The following CAMTA1 variants were observed in gnomAD, a reference collection of about 807,000 sequenced individuals.
CAMTA1 encodes calmodulin-binding transcription activator 1.
Under a neutral mutation model 170.9 loss-of-function variants are expected in CAMTA1, and 27 were observed. That is an observed-to-expected ratio of 0.16 (90% CI 0.12 to 0.22). The LOEUF (loss-of-function observed/expected upper bound fraction) is 0.22. Ranked by LOEUF, CAMTA1 falls within the 10% of genes least tolerant of loss-of-function variation. The pLI is 1.00. For synonymous variants in CAMTA1, 833 were observed against 891.5 expected (o/e 0.93, Z 1.17); for missense variants, 1,619 against 2,217.2 (o/e 0.73, Z 5.42).
At chr1:7,107,634 G>A (rs1035248954) in intron 4 of CAMTA1, among the ~76,000 whole-genome samples, 1 of 152,192 alleles carries the variant, frequency 6.6e-6, no homozygotes, top group Non-Finnish European at 1.5e-5. Context: ...GGGTGCTGCT[G>A]GGATGCCTTT....
intron 4 of CAMTA1, among the ~76,000 whole-genome samples, chr1:7,176,163 A>T (rs1049520289): frequency 2.0e-5 from 3 of 152,206 alleles, no homozygotes; most frequent in Non-Finnish European, 4.4e-5. Context: ...ATCCTTTTGC[A>T]ATGTGATGAG....
intron 5 of CAMTA1, among the ~76,000 whole-genome samples, chr1:7,290,869 C>A (rs1673030294): frequency 6.6e-6 from 1 of 152,074 alleles, no homozygotes; most frequent in Non-Finnish European, 1.5e-5. Flanking sequence ...TTCCTTTTAA[C>A]TTTACTGTCC....
In CAMTA1 at chr1:7,286,783, A is replaced by G. The variant is rs193268786; in HGVS notation, c.438+37157A>G. Among the ~76,000 whole-genome samples the G allele has an allele frequency of 9.9e-5, 15 of 152,202 alleles. No homozygotes were observed. The highest frequency in any genetic ancestry group is 9.8e-4 in the Admixed American group (15 of 15,288). ...GCTGAGTGGAAAGAGTGAAAATCCC[A>G]GCTCTACACTTCTGAGTAGTAAGAT... On this transcript the variant is annotated intron_variant, in intron 5 of 22. Transcript: ENST00000303635. The surrounding 1 kb of genome is among the most constrained non-coding windows in gnomAD (Gnocchi z 4.2).
intron 3 of CAMTA1, among the ~76,000 whole-genome samples, chr1:6,961,596 A>G (rs978282879): frequency 1.5e-5 from 2 of 132,238 alleles, no homozygotes; most frequent in Non-Finnish European, 3.2e-5. Context: ...TCCTTGACAC[A>G]TAGTTCTGGA....
chr1:7,500,370 AGT>A lies in CAMTA1; in HGVS notation c.510+32479_510+32480del, dbSNP rs552615586. 3.2e-3 allele frequency among the ~76,000 whole-genome samples: 398 copies of A among 124,560 alleles called. 6 individuals are homozygous for A. Among genetic ancestry groups the A allele is most frequent in the African/African-American group, 0.011 (376 of 33,752 alleles). The allele number at this position is 124,560 out of a possible 152,430, so 81.7% of individuals were successfully genotyped here. A position where few individuals can be genotyped will look rare whatever the true frequency, so the allele number is the denominator to read the frequency against. On this transcript the variant is annotated intron_variant, in intron 6 of 22. Coordinates refer to ENST00000303635, the MANE Select transcript of CAMTA1 (RefSeq NM_015215.4). ...CCTGGTGTGCGTGTGTATGTATATG[AGT>A]GTGTGTGTGCATGTGTGTCCGTGAG... is the stretch of plus-strand genomic sequence containing the variant.
chr1:7,122,086 G>A (rs532373843), intron 4 of CAMTA1, among the ~76,000 whole-genome samples: 8 of 152,200 alleles, frequency 5.3e-5, no homozygotes, highest in African/African-American at 1.7e-4. Flanking sequence ...GCCATGGAGT[G>A]TTCTGGGCTC....
At chr1:7,582,093 G>A (rs1034412936) in intron 6 of CAMTA1, among the ~76,000 whole-genome samples, 1 of 152,162 alleles carries the variant, frequency 6.6e-6, no homozygotes. Flanking sequence ...CACATCACGC[G>A]TAGGCCAGCA....
At chr1:7,417,495 C>T (rs951865015) in intron 5 of CAMTA1, among the ~76,000 whole-genome samples, 6 of 12,230 alleles carry the variant, frequency 4.9e-4, no homozygotes, top group Admixed American at 1.5e-3. Flanking sequence ...CATCCCCCAG[C>T]CTTGTGCCGC....
At chr1:7,066,765 C>CT (rs1709015653) in intron 3 of CAMTA1, among the ~76,000 whole-genome samples, 1 of 152,226 alleles carries the variant, frequency 6.6e-6, no homozygotes, top group Non-Finnish European at 1.5e-5. Flanking sequence ...GTGTTAGCCC[C>CT]ATGTTCAGGG....
At chr1:7,414,955 T>C (rs1445532805) in intron 5 of CAMTA1, among the ~76,000 whole-genome samples, 1 of 151,764 alleles carries the variant, frequency 6.6e-6, no homozygotes, top group East Asian at 1.9e-4. Flanking sequence ...TCTGGTATGT[T>C]GTGTCTTTGT....
At position 7,048,908 on chromosome 1, in the gene CAMTA1, C is replaced by T. The variant is rs182033518; in HGVS notation, c.235-42396C>T. Among the ~76,000 whole-genome samples the T allele has an allele frequency of 5.3e-5, 8 of 152,278 alleles. No homozygotes were observed. In the East Asian group the frequency reaches 5.8e-4, roughly 11 times the overall value. On this transcript the variant is annotated intron_variant, in intron 3 of 22. Transcript: ENST00000303635. ...GGACTTCTGAGACTCTAAGATGAGCCGTCAACCTGTGTTGCAAATCTCCTC... is the reference window on the plus strand; with the variant it reads ...GGACTTCTGAGACTCTAAGATGAGCTGTCAACCTGTGTTGCAAATCTCCTC...
At chr1:7,330,217 C>A (rs974659100) in intron 5 of CAMTA1, among the ~76,000 whole-genome samples, 1 of 152,180 alleles carries the variant, frequency 6.6e-6, no homozygotes, top group African/African-American at 2.4e-5. Flanking sequence ...CTCCACAGAG[C>A]AACTTACAGA....
At chr1:7,666,167 TA>T (rs573817014) in intron 9 of CAMTA1, among the ~76,000 whole-genome samples, 226 of 142,378 alleles carry the variant, frequency 1.6e-3, no homozygotes, top group Admixed American at 2.4e-3. Flanking sequence ...GAAACTGTCT[TA>T]AAAAAAAAAA....
intron 3 of CAMTA1, among the ~76,000 whole-genome samples, chr1:7,071,490 A>C (rs1638641330): frequency 6.6e-6 from 1 of 152,154 alleles, no homozygotes; most frequent in Non-Finnish European, 1.5e-5. Flanking sequence ...CTATATTTCA[A>C]ATCGTGATAA....
chr1:7,472,545 T>G (rs1557771232), intron 6 of CAMTA1, among the ~76,000 whole-genome samples: 1 of 152,046 alleles, frequency 6.6e-6, no homozygotes, highest in Non-Finnish European at 1.5e-5. Flanking sequence ...CTGCCTCCCC[T>G]GGGGGCACCA....
chr1:7,480,151 G>T (rs904487347), intron 6 of CAMTA1, among the ~76,000 whole-genome samples: 1 of 149,610 alleles, frequency 6.7e-6, no homozygotes, highest in Non-Finnish European at 1.5e-5. Context: ...GCCTGTGTCC[G>T]TGTGGGTGCA....
chr1:6,988,807 A>G (rs975696586), intron 3 of CAMTA1, among the ~76,000 whole-genome samples: 5 of 152,176 alleles, frequency 3.3e-5, no homozygotes, highest in African/African-American at 1.2e-4. Context: ...TGCATCTTAA[A>G]TGGTATCGTA....
intron 3 of CAMTA1, among the ~76,000 whole-genome samples, chr1:6,969,351 G>A (rs983863054): frequency 6.6e-6 from 1 of 152,218 alleles, no homozygotes; most frequent in African/African-American, 2.4e-5. Context: ...GGCAAGGAAC[G>A]CTGCAGAAGT....
chr1:7,268,361 G>C (rs1669228080), intron 5 of CAMTA1, among the ~76,000 whole-genome samples: 1 of 152,156 alleles, frequency 6.6e-6, no homozygotes, highest in Non-Finnish European at 1.5e-5. Flanking sequence ...TCATGAAACT[G>C]TATGAGGTTG....
Sources: allele counts gnomAD v4.1 joint callset (sites outside exome capture counted in the v4.1 genomes callset), GRCh38; gene constraint gnomAD v4.1.1; non-coding constraint Gnocchi (gnomAD v3.1); transcripts MANE v1.5; gene names NCBI Gene and HGNC (gene_info 2026-07-23, HGNC 2026-07-21).